Variants in TACC3 observed in about 807,000 individuals in gnomAD.
TACC3 encodes the protein transforming acidic coiled-coil-containing protein 3.
TACC3 carries 52 observed loss-of-function variants against 86.0 expected under a neutral mutation model. The ratio of observed to expected loss-of-function variants is 0.60; its 90% confidence interval spans 0.48 to 0.76. The LOEUF (loss-of-function observed/expected upper bound fraction) is 0.76, where lower values mean the gene tolerates loss of function less well. TACC3 is among the 30% of genes least tolerant of loss of function. The pLI is 0.00. For synonymous variants in TACC3, 512 were observed against 430.0 expected (o/e 1.19, Z -2.36); for missense variants, 1,120 against 1,070.4 (o/e 1.05, Z -0.65).
chr4:1,744,699 C>T lies in TACC3; in HGVS notation c.2331-13C>T, dbSNP rs771313302. 6 of 1,612,332 alleles carry T rather than the reference C, an allele frequency of 3.7e-6. No homozygotes were observed. The highest frequency in any genetic ancestry group is 5.1e-6 in the Non-Finnish European group (6 of 1,179,892). ...GCCCCAGCTCAGCCTCTGCCCCGCC[C>T]CTACCCCTCCAGGGCAAACGAGGAG... On this transcript the variant is annotated splice_polypyrimidine_tract_variant and intron_variant, in intron 14 of 15. Transcript: ENST00000313288.
Position 1,740,922 on chromosome 4 carries a change from AGTCCTT to A in TACC3, c.2160_2165del (p.Lys720_Phe722delinsAsn). ...ACCACAGATCTGAACTCCATGGAGA[AGTCCTT>A]CTCCGACCTCTTCAAGCGTTTTGAG... On this transcript the variant is annotated inframe_deletion, in exon 13 of 16. Coordinates refer to ENST00000313288, the MANE Select transcript of TACC3 (RefSeq NM_006342.3). The A allele has an allele frequency of 6.2e-7, 1 of 1,613,100 alleles. No homozygotes were observed. The highest frequency in any genetic ancestry group is 8.5e-7 in the Non-Finnish European group (1 of 1,179,860).
intron 3 of TACC3, among the ~76,000 whole-genome samples, chr4:1,726,124 A>G (rs1717675405): frequency 6.6e-6 from 1 of 152,156 alleles, no homozygotes; most frequent in Non-Finnish European, 1.5e-5. Context: ...AACCATCCCA[A>G]CAGCCGCCTC....
At chr4:1,725,935 G>T (rs1577207364) in intron 3 of TACC3, among the ~76,000 whole-genome samples, 1 of 152,278 alleles carries the variant, frequency 6.6e-6, no homozygotes, top group Non-Finnish European at 1.5e-5. Context: ...AGTCTGACAG[G>T]TCCCTCACCC....
intron 10 of TACC3, 33 bp from the exon 11 acceptor site, chr4:1,739,669 G>A (rs372197146): frequency 1.8e-5 from 28 of 1,554,834 alleles, no homozygotes; most frequent in Middle Eastern, 3.9e-4. Flanking sequence ...AGTCTGGCCC[G>A]CCTGCCTGCT....
chr4:1,744,586 C>T lies in TACC3; in HGVS notation c.2292C>T (p.Tyr764=), dbSNP rs1402865140. 6.2e-7 allele frequency: 1 copy of T among 1,613,272 alleles called. No individual in the cohort carries two copies. The highest frequency in any genetic ancestry group is 1.1e-5 in the South Asian group (1 of 91,086). Residue 764 remains tyrosine (Y), a synonymous_variant, in exon 14 of 16, where the codon TAC becomes TAT. Coordinates refer to ENST00000313288, the MANE Select transcript of TACC3 (RefSeq NM_006342.3). ...GGATCACCCAGGAGGGCCAGAGGTA[C>T]CAAGCCCTGAAGGCCCACGCGGAGG... ...LARITQEGQR[Y]QALKAHAEEK...
In TACC3 at chr4:1,740,917, G is replaced by A. The variant is rs771237315; in HGVS notation, c.2154G>A (p.Met718Ile). ...KDQLTTDLNS[M>I]EKSFSDLFKR... ...AACTTACCACAGATCTGAACTCCAT[G>A]GAGAAGTCCTTCTCCGACCTCTTCA... The change falls in exon 13 of 16, where the codon ATG becomes ATA. Residue 718 changes from methionine to isoleucine, a missense_variant. Transcript: ENST00000313288. The A allele has an allele frequency of 6.2e-7, 1 of 1,613,144 alleles. No individual in the cohort carries two copies. The highest frequency in any genetic ancestry group is 1.1e-5 in the South Asian group (1 of 90,958).
intron 4 of TACC3, 39 bp downstream of exon 4, chr4:1,728,826 AGCTGCCCT>A: frequency 6.4e-7 from 1 of 1,552,994 alleles, no homozygotes; most frequent in Non-Finnish European, 8.7e-7. Flanking sequence ...GGCGTGGGGC[AGCTGCCCT>A]GCAGTGTATG....
Position 1,735,336 on chromosome 4 carries a change from G to C in TACC3, c.1644+11G>C, listed in dbSNP as rs1306797505. The C allele has an allele frequency of 6.2e-7, 1 of 1,613,910 alleles. No homozygotes were observed. The highest frequency in any genetic ancestry group is 2.2e-5 in the East Asian group (1 of 44,884). Reference sequence around the variant, plus strand: ...TTTGGAACTTCCTCGGTAGGTACCAGGCAATTCCGCGAAGCCTCACCCACA... The same window carrying C: ...TTTGGAACTTCCTCGGTAGGTACCACGCAATTCCGCGAAGCCTCACCCACA... On this transcript the variant is annotated intron_variant, in intron 7 of 15. Coordinates refer to ENST00000313288, the MANE Select transcript of TACC3 (RefSeq NM_006342.3). This position sits in a 1 kb window ranked among gnomAD's most constrained non-coding sequence, Gnocchi z 4.2.
chr4:1,735,917 G>A lies in TACC3; in HGVS notation c.1748+83G>A. The A allele has an allele frequency of 1.0e-6, 1 of 979,888 alleles. No individual in the cohort carries two copies. Among genetic ancestry groups the A allele is most frequent in the Non-Finnish European group, 1.5e-6 (1 of 651,222 alleles). The allele number at this position is 979,888 out of a possible 1,614,324, so 60.7% of individuals were successfully genotyped here. A position where few individuals can be genotyped will look rare whatever the true frequency, so the allele number is the denominator to read the frequency against. ...TGTTCCTAGGTGTGCTGTCTGCACA[G>A]AGGCTTCTAGACCGGGGGGAGATGA... On this transcript the variant is annotated intron_variant, in intron 8 of 15. Transcript: ENST00000313288. This position sits in a 1 kb window ranked among gnomAD's most constrained non-coding sequence, Gnocchi z 4.2.
chr4:1,724,012 AC>A, intron 3 of TACC3, 142 bp downstream of exon 3: 1 of 918,544 alleles, frequency 1.1e-6, no homozygotes, highest in Non-Finnish European at 1.6e-6. Flanking sequence ...TCTGTTGCCC[AC>A]GCTGGAGTGC....
chr4:1,745,017 C>G lies in TACC3; in HGVS notation c.*4C>G, dbSNP rs1445578590. The stretch of plus-strand genomic sequence containing the variant: ...CTCCAAGATGGAGAAGATCTGACCT[C>G]CACGGAGCCGCTGTCCCCGCCCCCC... On this transcript the variant is annotated 3_prime_UTR_variant, in exon 16 of 16. Coordinates refer to ENST00000313288, the MANE Select transcript of TACC3 (RefSeq NM_006342.3). The G allele has an allele frequency of 6.2e-7, 1 of 1,603,496 alleles. No homozygotes were observed. Among genetic ancestry groups the G allele is most frequent in the Non-Finnish European group, 8.5e-7 (1 of 1,175,802 alleles).
At chr4:1,736,883 C>G (rs913901878) in intron 8 of TACC3, among the ~76,000 whole-genome samples, 5 of 151,834 alleles carry the variant, frequency 3.3e-5, no homozygotes, top group African/African-American at 1.2e-4. Context: ...GCACTCCAAT[C>G]TGGGTGACAG....
rs1718567912 is a variant in TACC3, at chr4:1,740,950, T to C, written c.2187T>C (p.Phe729=). 6.2e-7 allele frequency: 1 copy of C among 1,610,984 alleles called. No homozygotes were observed. The highest frequency in any genetic ancestry group is 8.5e-7 in the Non-Finnish European group (1 of 1,179,244). The part of the protein sequence containing the change: ...EKSFSDLFKR[F]EKQKEVIEGY... The stretch of plus-strand genomic sequence containing the variant: ...CCTTCTCCGACCTCTTCAAGCGTTT[T>C]GAGAAACAGAAAGAGGTGATCGAGG... Residue 729 remains phenylalanine, a synonymous_variant, in exon 13 of 16, where the codon TTT becomes TTC. Transcript: ENST00000313288.
intron 6 of TACC3, among the ~76,000 whole-genome samples, chr4:1,733,951 T>G (rs1237601914): frequency 1.4e-5 from 2 of 146,516 alleles, no homozygotes; most frequent in Non-Finnish European, 3.0e-5. Flanking sequence ...GCACTCCACC[T>G]GAGCAACAGA....
chr4:1,721,414 C>T (rs1324647305), upstream of TACC3: 2 of 152,118 alleles, frequency 1.3e-5, no homozygotes, highest in Admixed American at 6.5e-5. Flanking sequence ...CGAGGCACAG[C>T]TTCCCATTGG....
intron 3 of TACC3, among the ~76,000 whole-genome samples, chr4:1,725,199 T>C (rs1046692154): frequency 8.5e-5 from 13 of 152,172 alleles, no homozygotes; most frequent in African/African-American, 2.9e-4. Flanking sequence ...CCCAAAGTGC[T>C]GGGATTACAG....
At chr4:1,729,184 T>C (rs534998408) in intron 4 of TACC3, among the ~76,000 whole-genome samples, 1 of 152,216 alleles carries the variant, frequency 6.6e-6, no homozygotes, top group South Asian at 2.1e-4. Flanking sequence ...GCTGGGGTCT[T>C]GGCCGTGGGT....
chr4:1,730,765 C>G, intron 4 of TACC3, 122 bp from the exon 5 acceptor site: 7 of 1,151,782 alleles, frequency 6.1e-6, no homozygotes, highest in Non-Finnish European at 9.0e-6. Flanking sequence ...CACGCTCTAG[C>G]TGAATGTTCA....
chr4:1,723,597 G>A lies in TACC3; in HGVS notation c.162+14G>A, dbSNP rs1413253033. 10 of 1,611,040 alleles carry A rather than the reference G, an allele frequency of 6.2e-6. No homozygotes were observed. The highest frequency in any genetic ancestry group is 7.6e-6 in the Non-Finnish European group (9 of 1,178,190). On this transcript the variant is annotated intron_variant, in intron 2 of 15. Transcript: ENST00000313288. ...AAAGCTATGAAGGTAAGTGTGACCT[G>A]TACAGTGTGTGGCTGGCCAGGTTGC...
Sources: allele counts gnomAD v4.1 joint callset (sites outside exome capture counted in the v4.1 genomes callset), GRCh38; gene constraint gnomAD v4.1.1; non-coding constraint Gnocchi (gnomAD v3.1); transcripts MANE v1.5; gene names NCBI Gene and HGNC (gene_info 2026-07-23, HGNC 2026-07-21).